FNIP1: variants seen among roughly 807,000 people sequenced by gnomAD.
FNIP1 encodes the protein folliculin interacting protein 1, also known as folliculin-interacting protein 1.
In FNIP1, 40 loss-of-function variants were observed where a neutral mutation model predicts 124.5. That is an observed-to-expected ratio of 0.32 (90% CI 0.25 to 0.42). The LOEUF (loss-of-function observed/expected upper bound fraction) is 0.42. Among genes scored for constraint, FNIP1 ranks in the 10% least tolerant of loss-of-function variants. The pLI, the probability that FNIP1 is intolerant of heterozygous loss-of-function variation, is 1.00. For synonymous variants in FNIP1, 472 were observed against 470.6 expected (o/e 1.00, Z -0.04); for missense variants, 1,176 against 1,403.7 (o/e 0.84, Z 2.59).
At chr5:131,646,891 G>A (rs1172662307) in intron 17 of FNIP1, among the ~76,000 whole-genome samples, 199 bp downstream of exon 17, 1 of 152,140 alleles carries the variant, frequency 6.6e-6, no homozygotes, top group Non-Finnish European at 1.5e-5. Context: ...TGTATGTAAT[G>A]GCACAAGGGA....
intron 14 of FNIP1, 48 bp downstream of exon 14, chr5:131,671,457 G>T: frequency 1.4e-6 from 2 of 1,389,516 alleles, no homozygotes; most frequent in South Asian, 2.7e-5. Context: ...AAAAGAGAAT[G>T]GTACATATTT....
At chr5:131,767,288 T>G (rs1457698435) in intron 1 of FNIP1, among the ~76,000 whole-genome samples, 1 of 151,434 alleles carries the variant, frequency 6.6e-6, no homozygotes, top group African/African-American at 2.4e-5. Context: ...AAAAATTAGC[T>G]GGGCATGGTG....
chr5:131,713,440 C>T (rs949791456), intron 6 of FNIP1, among the ~76,000 whole-genome samples: 8 of 152,172 alleles, frequency 5.3e-5, no homozygotes, highest in Admixed American at 1.3e-4. Flanking sequence ...CCTCCATTCC[C>T]GTGCTTTCAA....
chr5:131,695,544 C>T (rs988827306), intron 11 of FNIP1, among the ~76,000 whole-genome samples: 1 of 152,056 alleles, frequency 6.6e-6, no homozygotes, highest in Non-Finnish European at 1.5e-5. Context: ...AGAAGATGCA[C>T]GAAAATCAGA....
intron 6 of FNIP1, among the ~76,000 whole-genome samples, chr5:131,715,997 G>C (rs1769456096): frequency 6.6e-6 from 1 of 152,094 alleles, no homozygotes; most frequent in Non-Finnish European, 1.5e-5. Context: ...GAGCTGTCTA[G>C]AAAAAATGAC....
chr5:131,666,033 C>T (rs1767594675), intron 15 of FNIP1, among the ~76,000 whole-genome samples: 1 of 151,346 alleles, frequency 6.6e-6, no homozygotes, highest in South Asian at 2.1e-4. Context: ...TCCGTAGTAG[C>T]TCCACCACCA....
intron 1 of FNIP1, among the ~76,000 whole-genome samples, chr5:131,787,985 T>G (rs960973547): frequency 6.6e-6 from 1 of 151,856 alleles, no homozygotes; most frequent in South Asian, 2.1e-4. Context: ...GTCTTCCTGC[T>G]GAAAAAAGTA....
At position 131,672,351 on chromosome 5, in the gene FNIP1, C is replaced by A. The variant is rs761690980; in HGVS notation, c.2093G>T (p.Gly698Val). The change falls in exon 14 of 18, where the codon GGC becomes GTC. Residue 698 changes from glycine (G) to valine (V), a missense_variant. Transcript: ENST00000510461. ...CCATGTTTCCTCTGTTGACTCTAAG[C>A]CTGACTCTGACAATGCACATTTGTC... is the stretch of plus-strand genomic sequence containing the variant. The part of the protein sequence containing the change: ...PVDKCALSES[G>V]LESTEETWQS... The A allele has an allele frequency of 6.2e-7, 1 of 1,614,206 alleles. No homozygotes were observed. The highest frequency in any genetic ancestry group is 8.5e-7 in the Non-Finnish European group (1 of 1,180,024).
intron 9 of FNIP1, among the ~76,000 whole-genome samples, chr5:131,705,934 G>A (rs1580771325): frequency 6.6e-6 from 1 of 152,232 alleles, no homozygotes; most frequent in Non-Finnish European, 1.5e-5. Context: ...ATGAATTTCT[G>A]ACACATGCTA....
chr5:131,697,553 A>AAGAT (rs1396234855), intron 11 of FNIP1, among the ~76,000 whole-genome samples: 8 of 152,214 alleles, frequency 5.3e-5, no homozygotes, highest in African/African-American at 1.9e-4. Flanking sequence ...TTAGGTATAA[A>AAGAT]AGATGGTCAA....
In FNIP1 at chr5:131,761,727, C is replaced by A. The variant is rs147983059; in HGVS notation, c.93-17037G>T. ...TTCAATGCAATCCCTTTCAAAATAC[C>A]AATGACATTCTTGACAGGAATAGAA... On this transcript the variant is annotated intron_variant, in intron 1 of 17. Transcript: ENST00000510461. Among the ~76,000 whole-genome samples, 150 of 151,796 alleles carry A rather than the reference C, an allele frequency of 9.9e-4. 1 individual carries two copies. The highest frequency in any genetic ancestry group is 3.5e-3 in the African/African-American group (143 of 41,398).
In FNIP1 at chr5:131,726,676, CATCTT is replaced by C. The variant is rs1292396820; in HGVS notation, c.354+4223_354+4227del. On this transcript the variant is annotated intron_variant, in intron 3 of 17. Coordinates refer to ENST00000510461, the MANE Select transcript of FNIP1 (RefSeq NM_133372.3). Reference sequence around the variant, plus strand: ...TCTCTATCTCCTTCAGTTCTGCTCTCATCTTAGTTACTTCTTGTCTTCTGCTAGCT... The same window carrying C: ...TCTCTATCTCCTTCAGTTCTGCTCTCAGTTACTTCTTGTCTTCTGCTAGCT... Among the ~76,000 whole-genome samples, 3 of 152,046 alleles carry C rather than the reference CATCTT, an allele frequency of 2.0e-5. No individual in the cohort carries two copies. The East Asian group carries it at 5.8e-4, about 29-fold the overall frequency.
Position 131,797,017 on chromosome 5 carries a change from T to C in FNIP1, c.-96A>G. ...CACCCCCATGGGCGCCTCAGTCATA[T>C]GACAGAAATTAGTCACTTCAAACGG... On this transcript the variant is annotated 5_prime_UTR_variant, in exon 1 of 18. Coordinates refer to ENST00000510461, the MANE Select transcript of FNIP1 (RefSeq NM_133372.3). 1 of 1,159,366 alleles carries C rather than the reference T, an allele frequency of 8.6e-7. No homozygotes were observed. Among genetic ancestry groups the C allele is most frequent in the Non-Finnish European group, 1.2e-6 (1 of 819,198 alleles). 71.8% of individuals were successfully genotyped at this position (1,159,366 alleles called of 1,614,324 possible).
intron 1 of FNIP1, among the ~76,000 whole-genome samples, chr5:131,750,154 G>C (rs187746668): frequency 3.3e-5 from 5 of 152,140 alleles, no homozygotes; most frequent in Admixed American, 6.5e-5. Context: ...GGTTTTGATA[G>C]GTATACGGAA....
chr5:131,643,636 G>A lies in FNIP1; in HGVS notation c.*1049C>T, dbSNP rs1766780833. ...GAAAAAAATACACTTTTGGAAGGGA[G>A]GGACTCTTAGAAAAAAAGAGAATAA... is the stretch of plus-strand genomic sequence containing the variant. On this transcript the variant is annotated 3_prime_UTR_variant, in exon 18 of 18. Transcript: ENST00000510461. 6.6e-6 allele frequency: 1 copy of A among 152,576 alleles called. No homozygotes were observed. The highest frequency in any genetic ancestry group is 2.1e-4 in the South Asian group (1 of 4,832). 9.5% of individuals were successfully genotyped at this position (152,576 alleles called of 1,614,324 possible).
chr5:131,720,210 A>G (rs997913950), intron 3 of FNIP1, among the ~76,000 whole-genome samples: 2 of 152,230 alleles, frequency 1.3e-5, no homozygotes, highest in African/African-American at 4.8e-5. Context: ...TATACAGTCA[A>G]CTTATCTTCA....
chr5:131,727,792 A>G (rs1023070784), intron 3 of FNIP1, among the ~76,000 whole-genome samples: 6 of 152,012 alleles, frequency 3.9e-5, no homozygotes, highest in Non-Finnish European at 7.4e-5. Context: ...TTACAATTTC[A>G]TATGTTTTTG....
At chr5:131,713,064 C>CT (rs1306198909) in intron 6 of FNIP1, among the ~76,000 whole-genome samples, 104 of 149,176 alleles carry the variant, frequency 7.0e-4, no homozygotes, top group African/African-American at 1.8e-3. Flanking sequence ...TCTCCTACCC[C>CT]TTTTTTTTTT....
At chr5:131,788,092 C>A (rs1772276522) in intron 1 of FNIP1, among the ~76,000 whole-genome samples, 1 of 152,058 alleles carries the variant, frequency 6.6e-6, no homozygotes, top group Non-Finnish European at 1.5e-5. Flanking sequence ...AAGGTGATGA[C>A]AGTGGAAAAT....
Sources: gnomAD v4.1 joint callset for allele counts (sites outside exome capture counted in the v4.1 genomes callset) on GRCh38, gnomAD v4.1.1 for gene constraint, MANE v1.5 for transcripts, NCBI Gene and HGNC (gene_info 2026-07-23, HGNC 2026-07-21) for gene names.